Variants in NEK10 observed in about 807,000 individuals in gnomAD.
NEK10 encodes the protein serine/threonine-protein kinase Nek10.
Under a neutral mutation model 159.8 loss-of-function variants are expected in NEK10, and 122 were observed. The observed-to-expected ratio is 0.76, with a 90% CI of 0.66 to 0.89. The LOEUF (loss-of-function observed/expected upper bound fraction) is 0.89. Among genes scored for constraint, NEK10 ranks in the 40% least tolerant of loss-of-function variants. NEK10 has a pLI of 0.00. For missense variants in NEK10, 1,342 were observed against 1,323.1 expected (o/e 1.01, Z -0.22); for synonymous variants, 466 against 457.1 (o/e 1.02, Z -0.25).
intron 23 of NEK10, among the ~76,000 whole-genome samples, chr3:27,238,562 C>T (rs1387701541): frequency 1.3e-5 from 2 of 151,820 alleles, no homozygotes; most frequent in African/African-American, 4.8e-5. Flanking sequence ...TTCTAATTCA[C>T]TTTTGTCTGT....
intron 22 of NEK10, among the ~76,000 whole-genome samples, chr3:27,271,579 A>C (rs900482909): frequency 1.3e-5 from 2 of 152,174 alleles, no homozygotes; most frequent in Non-Finnish European, 2.9e-5. Context: ...TATTCACTCC[A>C]GTTAATTTAG....
chr3:27,320,129 A>T (rs2045515155), intron 6 of NEK10, among the ~76,000 whole-genome samples: 1 of 152,036 alleles, frequency 6.6e-6, no homozygotes, highest in East Asian at 1.9e-4. Flanking sequence ...CTCGGAGATA[A>T]TTCCCTTCTA....
In NEK10 at chr3:27,192,186, A is replaced by G; in HGVS notation, c.2348T>C (p.Ile783Thr). The G allele has an allele frequency of 6.2e-7, 1 of 1,614,188 alleles. No individual in the cohort carries two copies. Among genetic ancestry groups the G allele is most frequent in the Non-Finnish European group, 8.5e-7 (1 of 1,180,000 alleles). ...RPDIVEVSSM[I>T]SDVMMKYLDN... ...TAAATATTTCATCATGACATCTGAT[A>G]TCATCGAACTGACTTCTACAATATC... is the stretch of plus-strand genomic sequence containing the variant. Residue 783 changes from isoleucine (I) to threonine (T), a missense_variant, in exon 26 of 36, where the codon ATA (isoleucine) becomes ACA (threonine). Transcript: ENST00000691995.
In NEK10 at chr3:27,291,467, G is replaced by T; in HGVS notation, c.1476+17C>A. 1 of 1,601,676 alleles carries T rather than the reference G, an allele frequency of 6.2e-7. No individual in the cohort carries two copies. Among genetic ancestry groups the T allele is most frequent in the Non-Finnish European group, 8.6e-7 (1 of 1,168,986 alleles). ...CTACATAGCAGCCTGCCAAAATATTGAAAACTCAGGACTTACCACTAATAA... is the reference window on the plus strand; with the variant it reads ...CTACATAGCAGCCTGCCAAAATATTTAAAACTCAGGACTTACCACTAATAA... On this transcript the variant is annotated intron_variant, in intron 17 of 35. Coordinates refer to ENST00000691995, the MANE Select transcript of NEK10 (RefSeq NM_001394966.1).
intron 1 of NEK10, among the ~76,000 whole-genome samples, chr3:27,354,192 G>T (rs185910027): frequency 3.3e-5 from 5 of 152,112 alleles, no homozygotes; most frequent in Non-Finnish European, 2.9e-5. Context: ...AATAGAAGCC[G>T]CAATGACAAG....
chr3:27,195,635 C>G (rs1326144930), intron 25 of NEK10, among the ~76,000 whole-genome samples: 3 of 152,184 alleles, frequency 2.0e-5, no homozygotes, highest in Non-Finnish European at 2.9e-5. Flanking sequence ...AATTGAGAAG[C>G]TCTTTCCCTC....
At chr3:27,147,926 C>A (rs1198462261) in intron 30 of NEK10, among the ~76,000 whole-genome samples, 4 of 152,210 alleles carry the variant, frequency 2.6e-5, no homozygotes, top group Admixed American at 2.0e-4. Flanking sequence ...TTGTCTTCCA[C>A]CTGGTTCTAT....
chr3:27,233,945 G>A (rs1245043511), intron 23 of NEK10, among the ~76,000 whole-genome samples: 4 of 151,998 alleles, frequency 2.6e-5, no homozygotes, highest in African/African-American at 9.7e-5. Context: ...TTCATTCCTG[G>A]AATGCAAGGT....
At chr3:27,209,487 C>T (rs146252963) in intron 23 of NEK10, among the ~76,000 whole-genome samples, 2 of 152,192 alleles carry the variant, frequency 1.3e-5, no homozygotes, top group African/African-American at 4.8e-5. Context: ...ATGCCTTAAC[C>T]ACCAATGAAA....
intron 1 of NEK10, among the ~76,000 whole-genome samples, chr3:27,366,465 A>G (rs7629859): frequency 0.057 from 8,743 of 152,230 alleles, 508 homozygotes; most frequent in African/African-American, 0.15. Context: ...TGCTCAACCC[A>G]GTTCACTTTG....
chr3:27,229,363 A>T (rs1400555846), intron 23 of NEK10, among the ~76,000 whole-genome samples: 2 of 152,220 alleles, frequency 1.3e-5, no homozygotes. Flanking sequence ...ATTGAAAAAC[A>T]GAGTTAAATC....
At chr3:27,274,191 C>T (rs914970241) in intron 22 of NEK10, among the ~76,000 whole-genome samples, 5 of 152,112 alleles carry the variant, frequency 3.3e-5, no homozygotes, top group African/African-American at 1.2e-4. Flanking sequence ...GCAGACTCCA[C>T]CAGGGATGAG....
chr3:27,290,451 AT>A (rs2042917819), intron 19 of NEK10, among the ~76,000 whole-genome samples, 165 bp downstream of exon 19: 1 of 152,196 alleles, frequency 6.6e-6, no homozygotes, highest in Non-Finnish European at 1.5e-5. Flanking sequence ...TTATGCTTCA[AT>A]GTCAAGCCTT....
chr3:27,210,319 G>A, intron 23 of NEK10, among the ~76,000 whole-genome samples: 1 of 152,032 alleles, frequency 6.6e-6, no homozygotes, highest in Non-Finnish European at 1.5e-5. Flanking sequence ...TGCTCACTTG[G>A]ATCTCCCTCT....
At position 27,119,762 on chromosome 3, in the gene NEK10, G is replaced by A. The variant is rs371961018; in HGVS notation, c.3188C>T (p.Thr1063Ile). ...TTACCCATGTTGATCACTATTACCTGTAGGGTCATTTGGGGACAGGCTGTT... is the reference window on the plus strand; with the variant it reads ...TTACCCATGTTGATCACTATTACCTATAGGGTCATTTGGGGACAGGCTGTT... ...GGNSLSPNDP[T>I]GLPTSIELEE... The change falls in exon 33 of 36, where the codon ACA (threonine) becomes ATA (isoleucine). Residue 1063 changes from threonine to isoleucine, a missense_variant and splice_region_variant. By Grantham distance (89) the Thr-to-Ile change is moderately conservative. Transcript: ENST00000691995. 1.2e-6 allele frequency: 2 copies of A among 1,610,208 alleles called. No homozygotes were observed. Among genetic ancestry groups the A allele is most frequent in the African/African-American group, 1.3e-5 (1 of 74,838 alleles).
Position 27,331,262 on chromosome 3 carries a change from A to AAAAAAAAAAAAAAAACAC in NEK10, c.363-9002_363-9001insGTGTTTTTTTTTTTTTTT. Among the ~76,000 whole-genome samples, 28 of 110,076 alleles carry AAAAAAAAAAAAAAAACAC rather than the reference A, an allele frequency of 2.5e-4. 2 individuals are homozygous for AAAAAAAAAAAAAAAACAC. The highest frequency in any genetic ancestry group is 2.6e-4 in the African/African-American group (9 of 34,384). 72.2% of individuals were successfully genotyped at this position (110,076 alleles called of 152,430 possible). A position where few individuals can be genotyped will look rare whatever the true frequency, so the allele number is the denominator to read the frequency against. Reference sequence around the variant, plus strand: ...CAAAAAAAAAAAAACAAAAAAAAAAAACACACAAACCTAAGACTTTTGAGG... The same window carrying AAAAAAAAAAAAAAAACAC: ...CAAAAAAAAAAAAACAAAAAAAAAAAAAAAAAAAAAAAAAACACACACACAAACCTAAGACTTTTGAGG... On this transcript the variant is annotated intron_variant, in intron 5 of 35. Transcript: ENST00000691995.
Position 27,284,876 on chromosome 3 carries a change from A to T in NEK10, c.1875T>A (p.His625Gln), listed in dbSNP as rs767653468. 1.9e-5 allele frequency: 30 copies of T among 1,590,566 alleles called. No individual in the cohort carries two copies. Among genetic ancestry groups the T allele is most frequent in the Middle Eastern group, 1.7e-4 (1 of 6,028 alleles). Reference sequence around the variant, plus strand: ...TTTTCCATAGTCTTTCTTCAGTAAAATGGTGATGTTTTTCCTTCAAAGAAC... The same window carrying T: ...TTTTCCATAGTCTTTCTTCAGTAAATTGGTGATGTTTTTCCTTCAAAGAAC... The part of the protein sequence containing the change: ...HFSSLKEKHH[H>Q]FTEERLWKIF... The change falls in exon 21 of 36, where the codon CAT (histidine) becomes CAA (glutamine). Residue 625 changes from histidine (H) to glutamine (Q), a missense_variant. Coordinates refer to ENST00000691995, the MANE Select transcript of NEK10 (RefSeq NM_001394966.1).
intron 22 of NEK10, among the ~76,000 whole-genome samples, chr3:27,258,293 A>G (rs1298701156): frequency 2.6e-5 from 4 of 152,016 alleles, no homozygotes; most frequent in Non-Finnish European, 5.9e-5. Flanking sequence ...ATATGTATAC[A>G]TGTGCCATGT....
At chr3:27,168,241 C>T (rs2148847824) in intron 29 of NEK10, among the ~76,000 whole-genome samples, 1 of 149,532 alleles carries the variant, frequency 6.7e-6, no homozygotes, top group South Asian at 2.1e-4. Flanking sequence ...CCATTTTATA[C>T]ATGGCACAGA....
Sources: gnomAD v4.1 joint callset for allele counts (sites outside exome capture counted in the v4.1 genomes callset) on GRCh38, gnomAD v4.1.1 for gene constraint, MANE v1.5 for transcripts, NCBI Gene and HGNC (gene_info 2026-07-23, HGNC 2026-07-21) for gene names.